Variants in ACTN1 observed in about 807,000 individuals in gnomAD.
ACTN1 encodes alpha-actinin-1.
ACTN1 carries 30 observed loss-of-function variants against 119.6 expected under a neutral mutation model. That is an observed-to-expected ratio of 0.25 (90% CI 0.19 to 0.34). ACTN1 has a LOEUF of 0.34. ACTN1 is among the 10% of genes least tolerant of loss of function. ACTN1 has a pLI of 1.00. For synonymous variants in ACTN1, 429 were observed against 472.6 expected (o/e 0.91, Z 1.20); for missense variants, 764 against 1,223.4 (o/e 0.62, Z 5.60).
chr14:68,943,463 G>C (rs1450801464), intron 1 of ACTN1, among the ~76,000 whole-genome samples: 1 of 152,064 alleles, frequency 6.6e-6, no homozygotes, highest in South Asian at 2.1e-4. Context: ...ACCAGCACCG[G>C]GGCTCCTAGG....
In ACTN1 at chr14:68,882,662, G is replaced by A; in HGVS notation, c.1819-70C>T. The A allele has an allele frequency of 2.5e-6, 4 of 1,598,486 alleles. No homozygotes were observed. The highest frequency in any genetic ancestry group is 3.4e-5 in the Admixed American group (2 of 59,600). On this transcript the variant is annotated intron_variant, in intron 15 of 21. Transcript: ENST00000394419. This position sits in a 1 kb window ranked among gnomAD's most constrained non-coding sequence, Gnocchi z 4.5. ...CTGTCCATGTGCCAGATGAGGAAAT[G>A]GAGGACCCAGAAGGGGAAGGGCCGG... is the stretch of plus-strand genomic sequence containing the variant.
chr14:68,895,263 C>A (rs1356513167), intron 8 of ACTN1, among the ~76,000 whole-genome samples: 1 of 152,190 alleles, frequency 6.6e-6, no homozygotes, highest in African/African-American at 2.4e-5. Context: ...CCCTCACCCC[C>A]TGACCCCAAC....
chr14:68,971,359 T>C (rs1287577705), intron 1 of ACTN1, among the ~76,000 whole-genome samples: 2 of 152,200 alleles, frequency 1.3e-5, no homozygotes, highest in Non-Finnish European at 2.9e-5. Flanking sequence ...GGTTGGATGG[T>C]TGATATAAAA....
At chr14:68,946,261 G>A (rs1242194879) in intron 1 of ACTN1, among the ~76,000 whole-genome samples, 1 of 152,122 alleles carries the variant, frequency 6.6e-6, no homozygotes, top group Non-Finnish European at 1.5e-5. Context: ...CTCCTTAAGG[G>A]CCTCTTAAGG....
intron 3 of ACTN1, among the ~76,000 whole-genome samples, chr14:68,913,684 T>C (rs2034130094): frequency 6.6e-6 from 1 of 152,172 alleles, no homozygotes; most frequent in African/African-American, 2.4e-5. Flanking sequence ...CTGCATGGGA[T>C]GCTGAGCAAA....
chr14:68,896,529 C>A (rs2032894272), intron 8 of ACTN1, among the ~76,000 whole-genome samples: 1 of 152,178 alleles, frequency 6.6e-6, no homozygotes, highest in Non-Finnish European at 1.5e-5. Context: ...CTACAAGAAC[C>A]CCATGAACTC....
intron 1 of ACTN1, among the ~76,000 whole-genome samples, chr14:68,970,197 A>G (rs371474760): frequency 2.0e-5 from 3 of 151,794 alleles, no homozygotes; most frequent in Middle Eastern, 3.2e-3. Context: ...CCCTTCCCCC[A>G]GCCGACTGCT....
At chr14:68,969,612 C>T (rs1012455267) in intron 1 of ACTN1, among the ~76,000 whole-genome samples, 4 of 152,154 alleles carry the variant, frequency 2.6e-5, no homozygotes, top group African/African-American at 9.7e-5. Flanking sequence ...TGCAGCCAAA[C>T]GCTGACAGAC....
At chr14:68,886,800 A>C (rs1206340051) in intron 11 of ACTN1, 1 of 152,376 alleles carries the variant, frequency 6.6e-6, no homozygotes, top group Non-Finnish European at 1.5e-5. Context: ...TTCAAAAAAA[A>C]AAAAAAATTG....
At chr14:68,886,819 T>G (rs1279089569) in intron 11 of ACTN1, 1 of 152,160 alleles carries the variant, frequency 6.6e-6, no homozygotes, top group East Asian at 1.9e-4. Context: ...TGGCGGCACA[T>G]TATTGGAATT....
At chr14:68,969,452 C>T (rs2036808589) in intron 1 of ACTN1, among the ~76,000 whole-genome samples, 1 of 152,204 alleles carries the variant, frequency 6.6e-6, no homozygotes, top group South Asian at 2.1e-4. Flanking sequence ...GAAAGAAAGG[C>T]CCTTACAAAA....
intron 1 of ACTN1, among the ~76,000 whole-genome samples, chr14:68,936,381 A>G (rs560100530): frequency 6.6e-6 from 1 of 152,314 alleles, no homozygotes; most frequent in East Asian, 1.9e-4. Context: ...AGGACACAGA[A>G]GGACCAGGAT....
At chr14:68,973,169 TCCC>T (rs890559948) in intron 1 of ACTN1, among the ~76,000 whole-genome samples, 1 of 151,922 alleles carries the variant, frequency 6.6e-6, no homozygotes, top group African/African-American at 2.4e-5. Flanking sequence ...TCCATGCGTT[TCCC>T]CCCATCTGCT....
chr14:68,961,207 C>T (rs1245393176), intron 1 of ACTN1, among the ~76,000 whole-genome samples: 2 of 152,068 alleles, frequency 1.3e-5, no homozygotes, highest in African/African-American at 2.4e-5. Flanking sequence ...CTCACTTTCT[C>T]CAGGCAAGGA....
Position 68,880,034 on chromosome 14 carries a change from C to T in ACTN1, c.2208G>A (p.Leu736=). Residue 736 remains leucine (L), a synonymous_variant, in exon 18 of 22, where the codon CTG becomes CTA. Coordinates refer to ENST00000394419, the MANE Select transcript of ACTN1 (RefSeq NM_001130004.2). The surrounding 1 kb of genome is among the most constrained non-coding windows in gnomAD (Gnocchi z 4.6). The part of the protein sequence containing the change: ...RTINEVENQI[L]TRDAKGISQE... ...GGCTGATGCCCTTGGCATCCCGGGT[C>T]AGGATCTGGTTCTCTACCTCATTGA... 2 of 1,614,212 alleles carry T rather than the reference C, an allele frequency of 1.2e-6. No homozygotes were observed. Among genetic ancestry groups the T allele is most frequent in the Non-Finnish European group, 1.7e-6 (2 of 1,180,012 alleles).
rs1399078322 is a variant in ACTN1 at position 68,885,261 on chromosome 14, A to C, written c.1385+164T>G. On this transcript the variant is annotated intron_variant, in intron 12 of 21. Transcript: ENST00000394419. The surrounding 1 kb of genome is among the most constrained non-coding windows in gnomAD (Gnocchi z 5.6). ...GGCAGTGGTCCCGGGCTCCTTCCCCACCAGGAGAGATATTTGTCTCCTGCG... is the reference window on the plus strand; with the variant it reads ...GGCAGTGGTCCCGGGCTCCTTCCCCCCCAGGAGAGATATTTGTCTCCTGCG... Among the ~76,000 whole-genome samples, 2 of 151,606 alleles carry C rather than the reference A, an allele frequency of 1.3e-5. No individual in the cohort carries two copies. The highest frequency in any genetic ancestry group is 2.4e-5 in the African/African-American group (1 of 41,204).
chr14:68,884,660 G>T, intron 13 of ACTN1, 115 bp downstream of exon 13: 2 of 893,910 alleles, frequency 2.2e-6, no homozygotes, highest in South Asian at 1.5e-5. Context: ...AGGGTTGGGG[G>T]AGGTCTGGGG....
rs554358917 is a variant in ACTN1 at position 68,922,513 on chromosome 14, C to A, written c.221-1388G>T. Among the ~76,000 whole-genome samples, 12 of 152,224 alleles carry A rather than the reference C, an allele frequency of 7.9e-5. No individual in the cohort carries two copies. The East Asian group carries it at 2.3e-3, about 29-fold the overall frequency. ...CCCCACAGGATGGATGCAGGCAGCACCACGTCCCCTCCCTGGAAGGCTGCT... is the reference window on the plus strand; with the variant it reads ...CCCCACAGGATGGATGCAGGCAGCAACACGTCCCCTCCCTGGAAGGCTGCT... On this transcript the variant is annotated intron_variant, in intron 2 of 21. Transcript: ENST00000394419.
At position 68,927,226 on chromosome 14, in the gene ACTN1, G is replaced by T. The variant is rs554095920; in HGVS notation, c.106-1554C>A. 6.8e-4 allele frequency among the ~76,000 whole-genome samples: 103 copies of T among 152,224 alleles called. 2 individuals carry two copies. The South Asian group carries it at 0.021, about 31-fold the overall frequency. ...ACTAACTCACTCATCTTTCAAGACT[G>T]GGTAGAGATATCACCTCCTCCAGGA... is the stretch of plus-strand genomic sequence containing the variant. On this transcript the variant is annotated intron_variant, in intron 1 of 21. Coordinates refer to ENST00000394419, the MANE Select transcript of ACTN1 (RefSeq NM_001130004.2).
Sources: allele counts gnomAD v4.1 joint callset (sites outside exome capture counted in the v4.1 genomes callset), GRCh38; gene constraint gnomAD v4.1.1; non-coding constraint Gnocchi (gnomAD v3.1); transcripts MANE v1.5; gene names NCBI Gene and HGNC (gene_info 2026-07-23, HGNC 2026-07-21).